Variants in PPP1R9A observed in about 807,000 individuals in gnomAD.
PPP1R9A encodes protein phosphatase 1 regulatory subunit 9A.
A neutral mutation model predicts 141.9 loss-of-function variants in PPP1R9A; 59 were observed. That is an observed-to-expected ratio of 0.42 (90% CI 0.34 to 0.52). The LOEUF is 0.52. Ranked by LOEUF, PPP1R9A falls within the 20% of genes least tolerant of loss-of-function variation. The pLI is 0.10. For synonymous variants in PPP1R9A, 500 were observed against 569.7 expected, an observed-to-expected ratio of 0.88 and a Z score of 1.74; for missense variants, 1,444 against 1,611.9, an observed-to-expected ratio of 0.90 and a Z score of 1.78.
intron 4 of PPP1R9A, among the ~76,000 whole-genome samples, chr7:95,153,313 A>G (rs1263933431): frequency 2.0e-5 from 3 of 152,188 alleles, no homozygotes; most frequent in Non-Finnish European, 4.4e-5. Context: ...GTACACAAGA[A>G]TCTTAGAAAT....
chr7:95,053,463 A>T (rs142404605), intron 2 of PPP1R9A, among the ~76,000 whole-genome samples: 7 of 152,322 alleles, frequency 4.6e-5, no homozygotes, highest in African/African-American at 1.7e-4. Flanking sequence ...ATTGCAGCAA[A>T]ATTCAATAAG....
At chr7:94,914,290 A>T (rs535839128) in intron 2 of PPP1R9A, among the ~76,000 whole-genome samples, 1 of 152,242 alleles carries the variant, frequency 6.6e-6, no homozygotes, top group African/African-American at 2.4e-5. Flanking sequence ...TGTATGTGTA[A>T]TATTGTCCTC....
intron 4 of PPP1R9A, among the ~76,000 whole-genome samples, chr7:95,124,385 G>A (rs1330404879): frequency 6.6e-6 from 1 of 151,504 alleles, no homozygotes; most frequent in African/African-American, 2.4e-5. Context: ...GTTCCTTTTT[G>A]TCCTTATCTC....
intron 8 of PPP1R9A, among the ~76,000 whole-genome samples, chr7:95,245,709 G>A (rs985706295): frequency 6.6e-6 from 1 of 152,168 alleles, no homozygotes; most frequent in Admixed American, 6.5e-5. Flanking sequence ...TCCTTGCCAG[G>A]TGCACTAATA....
intron 5 of PPP1R9A, among the ~76,000 whole-genome samples, chr7:95,185,860 T>A (rs1303394767): frequency 6.6e-6 from 1 of 152,098 alleles, no homozygotes. Flanking sequence ...TATTTCTGGG[T>A]TCTCTATTCT....
At chr7:95,206,831 T>C (rs919732576) in intron 7 of PPP1R9A, among the ~76,000 whole-genome samples, 1 of 152,202 alleles carries the variant, frequency 6.6e-6, no homozygotes, top group Non-Finnish European at 1.5e-5. Context: ...TGAGTTATAG[T>C]AGACAAAACC....
intron 2 of PPP1R9A, among the ~76,000 whole-genome samples, chr7:94,963,879 G>A (rs1797918286): frequency 1.3e-5 from 2 of 152,118 alleles, no homozygotes; most frequent in African/African-American, 4.8e-5. Flanking sequence ...GGGGAACCTG[G>A]CATTGGCATA....
chr7:95,061,900 G>A (rs540510443), intron 2 of PPP1R9A, among the ~76,000 whole-genome samples: 24 of 152,172 alleles, frequency 1.6e-4, no homozygotes, highest in African/African-American at 5.5e-4. Flanking sequence ...TGAGATATTA[G>A]GCTAATGAAG....
At position 95,052,874 on chromosome 7, in the gene PPP1R9A, T is replaced by C. The variant is rs566119881; in HGVS notation, c.1396-58385T>C. Among the ~76,000 whole-genome samples, 10 of 152,358 alleles carry C rather than the reference T, an allele frequency of 6.6e-5. No homozygotes were observed. In the South Asian group the frequency reaches 2.1e-3, roughly 32 times the overall value. ...TGCCAAGTGCCATCAATTCTAAGTCTGCAATATCTCTTTTACCTCTGCTCA... is the reference window on the plus strand; with the variant it reads ...TGCCAAGTGCCATCAATTCTAAGTCCGCAATATCTCTTTTACCTCTGCTCA... On this transcript the variant is annotated intron_variant, in intron 2 of 19. Coordinates refer to ENST00000433360, the MANE Select transcript of PPP1R9A (RefSeq NM_001166160.2).
chr7:95,231,772 A>G (rs1452786075), intron 8 of PPP1R9A, among the ~76,000 whole-genome samples: 3 of 152,174 alleles, frequency 2.0e-5, no homozygotes, highest in African/African-American at 7.2e-5. Flanking sequence ...ATAGCATTAA[A>G]TAACTACATC....
chr7:95,245,328 A>G (rs1797977533), intron 8 of PPP1R9A, among the ~76,000 whole-genome samples: 2 of 152,142 alleles, frequency 1.3e-5, no homozygotes, highest in Admixed American at 6.5e-5. Context: ...ACGAATGCCT[A>G]TTGAATTCAT....
Position 94,911,635 on chromosome 7 carries a change from AATC to A in PPP1R9A, c.1395+129_1395+131del, listed in dbSNP as rs1249400696. On this transcript the variant is annotated intron_variant, in intron 2 of 19. Coordinates refer to ENST00000433360, the MANE Select transcript of PPP1R9A (RefSeq NM_001166160.2). ...GATTCAAGATTGTTGATACCTTTAA[AATC>A]ACCTGTTGTCAGGTGATTTTAAAAG... The A allele has an allele frequency of 7.3e-6, 5 of 684,348 alleles. No individual in the cohort carries two copies. In the East Asian group the frequency reaches 1.4e-4, roughly 19 times the overall value. The allele number at this position is 684,348 out of a possible 1,614,324, so 42.4% of individuals were successfully genotyped here.
chr7:95,040,103 A>G (rs1809017227), intron 2 of PPP1R9A, among the ~76,000 whole-genome samples: 1 of 152,206 alleles, frequency 6.6e-6, no homozygotes, highest in Non-Finnish European at 1.5e-5. Flanking sequence ...GCAAGGTTGC[A>G]TATATTCTAT....
intron 12 of PPP1R9A, among the ~76,000 whole-genome samples, chr7:95,253,042 G>A (rs2153011203): frequency 6.6e-6 from 1 of 152,312 alleles, no homozygotes; most frequent in South Asian, 2.1e-4. Context: ...AACATTCTTA[G>A]ATTGCACGTG....
chr7:95,181,257 T>G (rs1455031095), intron 5 of PPP1R9A, among the ~76,000 whole-genome samples: 1 of 142,452 alleles, frequency 7.0e-6, no homozygotes, highest in African/African-American at 2.6e-5. Context: ...AGAATATATA[T>G]AGAATATATA....
chr7:95,171,828 G>C (rs1832158327), intron 5 of PPP1R9A, among the ~76,000 whole-genome samples: 1 of 151,546 alleles, frequency 6.6e-6, no homozygotes, highest in Non-Finnish European at 1.5e-5. Context: ...AGCCAATGTT[G>C]CTATGATAGT....
chr7:95,156,786 G>A (rs1829683102), intron 4 of PPP1R9A: 1 of 152,146 alleles, frequency 6.6e-6, no homozygotes, highest in African/African-American at 2.4e-5. Context: ...CGATGTCTCT[G>A]CAGGTTTCTG....
chr7:95,123,009 G>C (rs1261959815), intron 4 of PPP1R9A, among the ~76,000 whole-genome samples: 1 of 151,048 alleles, frequency 6.6e-6, no homozygotes, highest in Non-Finnish European at 1.5e-5. Flanking sequence ...AGAAGAAAAA[G>C]TCAGAATATT....
intron 16 of PPP1R9A, among the ~76,000 whole-genome samples, chr7:95,275,810 A>T (rs149080300): frequency 4.7e-4 from 72 of 152,312 alleles, no homozygotes; most frequent in African/African-American, 1.6e-3. Flanking sequence ...AAGGAGCATT[A>T]AAGGAGCATA....
Sources: gnomAD v4.1 joint callset for allele counts (sites outside exome capture counted in the v4.1 genomes callset) on GRCh38, gnomAD v4.1.1 for gene constraint, MANE v1.5 for transcripts, NCBI Gene and HGNC (gene_info 2026-07-23, HGNC 2026-07-21) for gene names.